The following DOK6 variants were observed in gnomAD, a reference collection of about 807,000 sequenced individuals.
DOK6 encodes the protein downstream of tyrosine kinase 6.
DOK6 carries 22 observed loss-of-function variants against 44.0 expected under a neutral mutation model. The ratio of observed to expected loss-of-function variants is 0.50; its 90% CI spans 0.36 to 0.71. The LOEUF (loss-of-function observed/expected upper bound fraction) is 0.71. Ranked by LOEUF, DOK6 falls within the 30% of genes least tolerant of loss-of-function variation. The probability of loss-of-function intolerance (pLI) is 0.00; values close to 1 mark genes in which losing one functional copy is unlikely to be tolerated. For synonymous variants in DOK6, 166 were observed against 145.5 expected (o/e 1.14, Z -1.01); for missense variants, 340 against 416.4 (o/e 0.82, Z 1.60).
At chr18:69,623,834 GA>G (rs1400381647) in intron 3 of DOK6, among the ~76,000 whole-genome samples, 10 of 152,164 alleles carry the variant, frequency 6.6e-5, no homozygotes, top group African/African-American at 2.4e-4. Flanking sequence ...GTAAGTGCTA[GA>G]GTCAGGATGT....
At chr18:69,793,171 T>C (rs1251396807) in intron 7 of DOK6, among the ~76,000 whole-genome samples, 1 of 152,212 alleles carries the variant, frequency 6.6e-6, no homozygotes, top group Non-Finnish European at 1.5e-5. Context: ...AGTAACTCAA[T>C]AGATTGACTT....
At chr18:69,804,344 C>A (rs772632810) in intron 7 of DOK6, among the ~76,000 whole-genome samples, 2 of 152,070 alleles carry the variant, frequency 1.3e-5, no homozygotes, top group Non-Finnish European at 1.5e-5. Context: ...ACATTTTGTG[C>A]TGTTGAGGTT....
At chr18:69,443,604 G>A (rs1979195915) in intron 1 of DOK6, among the ~76,000 whole-genome samples, 1 of 152,122 alleles carries the variant, frequency 6.6e-6, no homozygotes, top group Admixed American at 6.6e-5. Context: ...GATTGTGCTT[G>A]AGACAGTCTA....
rs1374213526 is a variant in DOK6 at position 69,698,387 on chromosome 18, T to C, written c.410-17T>C. 1.9e-6 allele frequency: 3 copies of C among 1,593,420 alleles called. No individual in the cohort carries two copies. Among genetic ancestry groups the C allele is most frequent in the South Asian group, 2.3e-5 (2 of 87,446 alleles). ...CCTCTTTTCACTTAACCTTCTCCAT[T>C]CTTCGTCTCTTCACAGAGAGATTCA... is the stretch of plus-strand genomic sequence containing the variant. On this transcript the variant is annotated splice_polypyrimidine_tract_variant and intron_variant, in intron 4 of 7. Transcript: ENST00000382713.
At chr18:69,731,565 A>T (rs994953639) in intron 5 of DOK6, among the ~76,000 whole-genome samples, 1 of 152,208 alleles carries the variant, frequency 6.6e-6, no homozygotes, top group Non-Finnish European at 1.5e-5. Flanking sequence ...GATCTTTCAC[A>T]TAATTAAAAA....
intron 6 of DOK6, among the ~76,000 whole-genome samples, chr18:69,743,511 ATAATT>A (rs1254722625): frequency 2.0e-5 from 3 of 152,348 alleles, no homozygotes; most frequent in African/African-American, 4.8e-5. Flanking sequence ...CTGGATTGAA[ATAATT>A]TAATTTTAGA....
At chr18:69,516,859 C>T (rs11376786) in intron 1 of DOK6, among the ~76,000 whole-genome samples, 54,008 of 123,862 alleles carry the variant, frequency 0.44, 10,386 homozygotes, top group Middle Eastern at 0.53. Context: ...TTTTTTTTTT[C>T]TAGTGAAGAC....
At chr18:69,689,840 CAG>C (rs754816450) in intron 4 of DOK6, among the ~76,000 whole-genome samples, 66 of 152,112 alleles carry the variant, frequency 4.3e-4, no homozygotes, top group Non-Finnish European at 8.8e-4. Context: ...ATTCGTTAAA[CAG>C]ATAATTTAAA....
chr18:69,754,298 G>C (rs116073756), intron 6 of DOK6, among the ~76,000 whole-genome samples: 1,907 of 148,774 alleles, frequency 0.013, 39 homozygotes, highest in African/African-American at 0.045. Flanking sequence ...AGATTGCAGT[G>C]AGCGAAGATT....
At chr18:69,813,714 C>T (rs1432076542) in intron 7 of DOK6, among the ~76,000 whole-genome samples, 2 of 151,930 alleles carry the variant, frequency 1.3e-5, no homozygotes, top group Non-Finnish European at 2.9e-5. Context: ...AGCTACAAAG[C>T]ACAGCACAGA....
At chr18:69,502,502 T>C (rs1315893380) in intron 1 of DOK6, among the ~76,000 whole-genome samples, 4 of 152,102 alleles carry the variant, frequency 2.6e-5, no homozygotes, top group East Asian at 1.9e-4. Context: ...CCCAAGCGAA[T>C]AGAGCTTCAA....
At chr18:69,747,496 T>C (rs192275127) in intron 6 of DOK6, among the ~76,000 whole-genome samples, 20 of 152,192 alleles carry the variant, frequency 1.3e-4, no homozygotes, top group Admixed American at 1.2e-3. Context: ...TTCCCAACAT[T>C]TGTCAGCCCC....
At chr18:69,477,118 G>A (rs532094440) in intron 1 of DOK6, among the ~76,000 whole-genome samples, 54 of 152,326 alleles carry the variant, frequency 3.5e-4, no homozygotes, top group African/African-American at 1.3e-3. Context: ...GGATGACTGC[G>A]TATTGTTGTG....
At chr18:69,672,554 C>T (rs1344550768) in intron 3 of DOK6, among the ~76,000 whole-genome samples, 4 of 152,226 alleles carry the variant, frequency 2.6e-5, no homozygotes, top group Admixed American at 1.3e-4. Context: ...TTCGGGGTTT[C>T]GCCATGTTGG....
At chr18:69,786,659 G>A (rs936647482) in intron 7 of DOK6, among the ~76,000 whole-genome samples, 1 of 152,216 alleles carries the variant, frequency 6.6e-6, no homozygotes, top group African/African-American at 2.4e-5. Context: ...ATACTCAGAA[G>A]TTAGTGCCTT....
chr18:69,433,026 A>G (rs943405394), intron 1 of DOK6, among the ~76,000 whole-genome samples: 9 of 152,152 alleles, frequency 5.9e-5, no homozygotes, highest in Admixed American at 3.9e-4. Context: ...GATGGTTTTG[A>G]TTACTGCAAA....
chr18:69,838,600 C>G (rs902488161), intron 7 of DOK6, among the ~76,000 whole-genome samples: 3 of 152,096 alleles, frequency 2.0e-5, no homozygotes, highest in African/African-American at 7.3e-5. Context: ...CTAAGTGCCA[C>G]TATACCATCC....
At chr18:69,533,440 TA>T (rs1982038016) in intron 1 of DOK6, among the ~76,000 whole-genome samples, 1 of 152,010 alleles carries the variant, frequency 6.6e-6, no homozygotes. Flanking sequence ...TCAAATTAAA[TA>T]AAAAGAAGAT....
chr18:69,532,419 A>C (rs1185786308), intron 1 of DOK6, among the ~76,000 whole-genome samples: 1 of 152,238 alleles, frequency 6.6e-6, no homozygotes, highest in Non-Finnish European at 1.5e-5. Flanking sequence ...TTTTATAAAA[A>C]AGTGAAAGTA....
Sources: allele counts gnomAD v4.1 joint callset (sites outside exome capture counted in the v4.1 genomes callset), GRCh38; gene constraint gnomAD v4.1.1; transcripts MANE v1.5; gene names NCBI Gene and HGNC (gene_info 2026-07-23, HGNC 2026-07-21).